The following KIF16B variants were observed in gnomAD, a reference collection of about 807,000 sequenced individuals.
The protein encoded by KIF16B is kinesin-like protein KIF16B.
KIF16B carries 98 observed loss-of-function variants against 156.3 expected under a neutral mutation model. That is an observed-to-expected ratio of 0.63 (90% CI 0.53 to 0.74). KIF16B has a LOEUF of 0.74. Among genes scored for constraint, KIF16B ranks in the 30% least tolerant of loss-of-function variants. KIF16B has a pLI of 0.00. For missense variants in KIF16B, 1,421 were observed against 1,606.5 expected, an observed-to-expected ratio of 0.88 and a Z score of 1.97; for synonymous variants, 564 against 583.7, an observed-to-expected ratio of 0.97 and a Z score of 0.49.
In KIF16B at chr20:16,350,910, A is replaced by C. The variant is rs1433681595; in HGVS notation, c.3621+5420T>G. Among the ~76,000 whole-genome samples, 4 of 151,788 alleles carry C rather than the reference A, an allele frequency of 2.6e-5. No individual in the cohort carries two copies. In the East Asian group the frequency reaches 7.8e-4, roughly 29 times the overall value. On this transcript the variant is annotated intron_variant, in intron 23 of 25. Coordinates refer to ENST00000354981, the MANE Select transcript of KIF16B (RefSeq NM_024704.5). ...TGGGCACTGGGGGGGGGTCTGTGTC[A>C]TACAAGACTGACAAGGGCCCTGGGA...
At chr20:16,335,147 T>A (rs2064012971) in intron 24 of KIF16B, among the ~76,000 whole-genome samples, 1 of 152,144 alleles carries the variant, frequency 6.6e-6, no homozygotes, top group African/African-American at 2.4e-5. Flanking sequence ...TCAAAACCAA[T>A]AATTGGTGAA....
chr20:16,405,655 G>A (rs6043928), intron 16 of KIF16B, among the ~76,000 whole-genome samples: 4 of 152,122 alleles, frequency 2.6e-5, no homozygotes, highest in Admixed American at 2.6e-4. Context: ...GAACAAGTTA[G>A]GGAGAGTTGC....
intron 12 of KIF16B, among the ~76,000 whole-genome samples, chr20:16,433,639 T>C (rs1023523478): frequency 6.6e-6 from 1 of 151,194 alleles, no homozygotes; most frequent in Non-Finnish European, 1.5e-5. Context: ...TCACATACAC[T>C]TCCATATATA....
chr20:16,483,524 G>C (rs1399779853), intron 12 of KIF16B, among the ~76,000 whole-genome samples: 3 of 152,154 alleles, frequency 2.0e-5, no homozygotes, highest in African/African-American at 7.2e-5. Flanking sequence ...AAAAAGGATA[G>C]ATTCAGAGTA....
intron 12 of KIF16B, among the ~76,000 whole-genome samples, chr20:16,482,250 G>T (rs910527299): frequency 1.3e-5 from 2 of 151,778 alleles, no homozygotes; most frequent in African/African-American, 4.8e-5. Flanking sequence ...CACCACTTCT[G>T]CTTGGAGCTC....
At chr20:16,524,055 T>A (rs2069446432) in intron 3 of KIF16B, among the ~76,000 whole-genome samples, 1 of 152,146 alleles carries the variant, frequency 6.6e-6, no homozygotes, top group Non-Finnish European at 1.5e-5. Context: ...ACCTAAGACC[T>A]AGGACCATAA....
At position 16,573,385 on chromosome 20, in the gene KIF16B, GC is replaced by G; in HGVS notation, c.-111del. The G allele has an allele frequency of 1.7e-6, 2 of 1,208,570 alleles. No homozygotes were observed. Among genetic ancestry groups the G allele is most frequent in the South Asian group, 1.4e-5 (1 of 71,630 alleles). 74.9% of individuals were successfully genotyped at this position (1,208,570 alleles called of 1,614,324 possible). ...TCCCGCCCACTTCCCTCTCGCCCCC[GC>G]CCCTCTGCTCCCGGCCGGACCTGGA... On this transcript the variant is annotated 5_prime_UTR_variant, in exon 1 of 26. The change abolishes the stop of an existing upstream ORF in the 5' untranslated region. Coordinates refer to ENST00000354981, the MANE Select transcript of KIF16B (RefSeq NM_024704.5).
chr20:16,505,964 T>C lies in KIF16B; in HGVS notation c.868+58A>G, dbSNP rs188319678. 12,999 of 1,608,610 alleles carry C rather than the reference T, an allele frequency of 8.1e-3. 68 individuals carry two copies. The highest frequency in any genetic ancestry group is 9.6e-3 in the Non-Finnish European group (11,310 of 1,175,766). ...ATTACCTCAGTTTGCAACCCAAATA[T>C]TACACATGAGGAAAAAGAGGAGGAA... is the stretch of plus-strand genomic sequence containing the variant. On this transcript the variant is annotated intron_variant, in intron 8 of 25. Coordinates refer to ENST00000354981, the MANE Select transcript of KIF16B (RefSeq NM_024704.5).
intron 12 of KIF16B, among the ~76,000 whole-genome samples, chr20:16,452,906 A>T (rs1438029189): frequency 1.3e-5 from 2 of 152,070 alleles, no homozygotes; most frequent in African/African-American, 4.8e-5. Flanking sequence ...AAAAAAAAAT[A>T]GAAGAAGTGA....
chr20:16,447,837 G>A (rs1315092460), intron 12 of KIF16B, among the ~76,000 whole-genome samples: 1 of 152,130 alleles, frequency 6.6e-6, no homozygotes, highest in Admixed American at 6.5e-5. Flanking sequence ...CAGGCATGGT[G>A]GTAGGCACCT....
At chr20:16,358,911 G>A (rs1183138027) in intron 22 of KIF16B, among the ~76,000 whole-genome samples, 1 of 152,046 alleles carries the variant, frequency 6.6e-6, no homozygotes, top group Admixed American at 6.5e-5. Context: ...TATTTTACTG[G>A]GTACCACCTA....
chr20:16,367,571 T>C (rs764544316), intron 22 of KIF16B: 1 of 1,612,906 alleles, frequency 6.2e-7, no homozygotes, highest in Non-Finnish European at 8.5e-7. Flanking sequence ...ACTTTCACTG[T>C]TGTGTAGAGC....
chr20:16,563,702 T>C (rs1427455221), intron 1 of KIF16B, among the ~76,000 whole-genome samples: 2 of 152,208 alleles, frequency 1.3e-5, no homozygotes, highest in Non-Finnish European at 2.9e-5. Context: ...TCCACTCTCA[T>C]GCTCACACAG....
At chr20:16,482,692 C>T (rs1034978288) in intron 12 of KIF16B, among the ~76,000 whole-genome samples, 29 of 152,154 alleles carry the variant, frequency 1.9e-4, no homozygotes, top group African/African-American at 7.0e-4. Context: ...TTTTTCACCT[C>T]AATACAGGAT....
Position 16,537,707 on chromosome 20 carries a change from T to A in KIF16B, c.48-9267A>T, listed in dbSNP as rs2070030727. Among the ~76,000 whole-genome samples the A allele has an allele frequency of 4.2e-5, 6 of 144,490 alleles. No individual in the cohort carries two copies. The South Asian group carries it at 1.4e-3, about 33-fold the overall frequency. 94.8% of individuals were successfully genotyped at this position (144,490 alleles called of 152,430 possible). On this transcript the variant is annotated intron_variant, in intron 1 of 25. Coordinates refer to ENST00000354981, the MANE Select transcript of KIF16B (RefSeq NM_024704.5). The stretch of plus-strand genomic sequence containing the variant: ...TTTTTCTTTTTTTCTTTTTTTCGTT[T>A]TTTTTTTTTTTTTTTGAGACAGGGT...
chr20:16,415,055 A>G (rs1452807293), intron 15 of KIF16B, among the ~76,000 whole-genome samples: 1 of 152,136 alleles, frequency 6.6e-6, no homozygotes, highest in Non-Finnish European at 1.5e-5. Flanking sequence ...TCAGTTTACA[A>G]TGGATTTATC....
chr20:16,535,272 CT>C (rs1453079729), intron 1 of KIF16B, among the ~76,000 whole-genome samples: 1 of 152,034 alleles, frequency 6.6e-6, no homozygotes, highest in African/African-American at 2.4e-5. Context: ...ATAGGATTGC[CT>C]TCTTCATTTC....
At chr20:16,505,928 A>T (rs1568615850) in intron 8 of KIF16B, 75 bp from the exon 9 acceptor site, 3 of 1,604,912 alleles carry the variant, frequency 1.9e-6, no homozygotes, top group Non-Finnish European at 1.7e-6. Context: ...GCTTCATAAA[A>T]CCTTGAAGAA....
chr20:16,370,769 T>C, intron 21 of KIF16B, 133 bp from the exon 22 acceptor site: 1 of 662,324 alleles, frequency 1.5e-6, no homozygotes, highest in South Asian at 2.0e-5. Flanking sequence ...TGACAACCCT[T>C]CTATATAATT....
Sources: gnomAD v4.1 joint callset for allele counts (sites outside exome capture counted in the v4.1 genomes callset) on GRCh38, gnomAD v4.1.1 for gene constraint, MANE v1.5 for transcripts, NCBI Gene and HGNC (gene_info 2026-07-23, HGNC 2026-07-21) for gene names.